GPHN: variants seen among roughly 807,000 people sequenced by gnomAD.
The protein encoded by GPHN is gephyrin.
Under a neutral mutation model 95.5 loss-of-function variants are expected in GPHN, and 17 were observed. That is an observed-to-expected ratio of 0.18 (90% CI 0.12 to 0.27). The LOEUF is 0.27. Among genes scored for constraint, GPHN ranks in the 10% least tolerant of loss-of-function variants. GPHN has a pLI of 1.00. For missense variants in GPHN, 660 were observed against 978.1 expected (o/e 0.67, Z 4.34); for synonymous variants, 320 against 322.5 (o/e 0.99, Z 0.08).
At chr14:67,382,344 G>A in the GPHN span, 1 of 1,072,532 alleles carries the variant, frequency 9.3e-7, no homozygotes, top group Non-Finnish European at 1.3e-6. Flanking sequence ...ATTACGTTTT[G>A]GGGTGATTTG....
At chr14:67,222,495 C>T in the GPHN span, among the ~76,000 whole-genome samples, 163 of 152,210 alleles carry the variant, frequency 1.1e-3, no homozygotes, top group African/African-American at 3.7e-3. Context: ...AGGATGGTCT[C>T]GAACTCCTGA....
the GPHN span, among the ~76,000 whole-genome samples, chr14:67,636,594 T>C: frequency 6.6e-6 from 1 of 152,254 alleles, no homozygotes; most frequent in Non-Finnish European, 1.5e-5. Context: ...TGTTTTGATT[T>C]CTTCCTTACA....
intron 8 of GPHN, among the ~76,000 whole-genome samples, chr14:66,952,267 A>G (rs1435464414): frequency 1.3e-5 from 2 of 152,340 alleles, no homozygotes; most frequent in Middle Eastern, 3.4e-3. Flanking sequence ...TGGACATAAC[A>G]TATAAATGCA....
chr14:67,532,735 C>T, the GPHN span, among the ~76,000 whole-genome samples: 3 of 152,286 alleles, frequency 2.0e-5, no homozygotes, highest in African/African-American at 2.4e-5. Flanking sequence ...TTTTCTTTTT[C>T]TCCTGCAAAT....
the GPHN span, among the ~76,000 whole-genome samples, chr14:67,552,083 A>G: frequency 6.6e-6 from 1 of 152,252 alleles, no homozygotes; most frequent in Non-Finnish European, 1.5e-5. Flanking sequence ...TAAATACCAG[A>G]TTGGTGCCAA....
chr14:66,900,439 T>C (rs2065069321), intron 5 of GPHN, among the ~76,000 whole-genome samples: 1 of 151,788 alleles, frequency 6.6e-6, no homozygotes, highest in South Asian at 2.1e-4. Context: ...TTTTTATTTT[T>C]TGAGATTTTT....
the GPHN span, among the ~76,000 whole-genome samples, chr14:67,594,251 A>T: frequency 6.6e-6 from 1 of 152,174 alleles, no homozygotes; most frequent in African/African-American, 2.4e-5. Context: ...AGGGAGGCTG[A>T]GGCAGGAGGA....
chr14:67,006,085 G>C (rs2072589886), intron 9 of GPHN, among the ~76,000 whole-genome samples: 1 of 151,940 alleles, frequency 6.6e-6, no homozygotes, highest in Non-Finnish European at 1.5e-5. Context: ...TTTGACATCA[G>C]TATTTAAATA....
intron 18 of GPHN, among the ~76,000 whole-genome samples, chr14:67,148,557 G>GTTTTTTTT (rs1297273978): frequency 8.0e-6 from 1 of 124,786 alleles, no homozygotes. Flanking sequence ...GACTTTATTT[G>GTTTTTTTT]CTTTTTTTTT....
chr14:66,593,982 T>A (rs1353219394), intron 1 of GPHN, among the ~76,000 whole-genome samples: 2 of 152,170 alleles, frequency 1.3e-5, no homozygotes. Context: ...AGTTGTAGAT[T>A]ACAAAATCAA....
At chr14:66,744,778 A>G (rs1236839217) in intron 2 of GPHN, among the ~76,000 whole-genome samples, 1 of 151,256 alleles carries the variant, frequency 6.6e-6, no homozygotes, top group East Asian at 1.9e-4. Flanking sequence ...GATTGATTCC[A>G]TCTGTAAAAG....
the GPHN span, among the ~76,000 whole-genome samples, chr14:67,399,856 G>T: frequency 3.3e-5 from 5 of 152,256 alleles, no homozygotes; most frequent in Admixed American, 3.3e-4. Flanking sequence ...ATGGGGAAAT[G>T]TCTGCTGAGG....
the GPHN span, among the ~76,000 whole-genome samples, chr14:67,626,801 A>G: frequency 6.6e-6 from 1 of 152,250 alleles, no homozygotes; most frequent in Non-Finnish European, 1.5e-5. Flanking sequence ...ATTATTCATA[A>G]TGGTCAACAT....
At chr14:66,752,290 C>G (rs1210845813) in intron 2 of GPHN, among the ~76,000 whole-genome samples, 2 of 152,074 alleles carry the variant, frequency 1.3e-5, no homozygotes, top group African/African-American at 2.4e-5. Flanking sequence ...CAAAAACTTT[C>G]CCTTTGTATG....
At position 67,165,157 on chromosome 14, in the gene GPHN, T is replaced by C. The variant is rs1595455743; in HGVS notation, c.1911-5T>C. On this transcript the variant is annotated splice_polypyrimidine_tract_variant and splice_region_variant and intron_variant, in intron 19 of 22. Transcript: ENST00000478722. ...CACTAACAAGTGACTCTTTTTTTCT[T>C]CTAGCTTGCCAACAACATTTGCAAC... 1.2e-6 allele frequency: 2 copies of C among 1,602,648 alleles called. No homozygotes were observed. The highest frequency in any genetic ancestry group is 1.7e-6 in the Non-Finnish European group (2 of 1,169,612).
the GPHN span, among the ~76,000 whole-genome samples, chr14:67,372,158 TTA>T: frequency 1.3e-5 from 2 of 152,204 alleles, no homozygotes; most frequent in Admixed American, 6.5e-5. Context: ...ATGTGTGCTT[TTA>T]TATGATCAGT....
At chr14:67,224,125 T>A in the GPHN span, 3 of 519,458 alleles carry the variant, frequency 5.8e-6, no homozygotes, top group African/African-American at 6.2e-5. Flanking sequence ...AAGTTAAATT[T>A]TTTTTCTCCT....
chr14:67,321,350 C>T, the GPHN span: 5 of 1,192,686 alleles, frequency 4.2e-6, no homozygotes, highest in African/African-American at 3.0e-5. Flanking sequence ...CCAAGAACAG[C>T]GCGACCTAAT....
the GPHN span, among the ~76,000 whole-genome samples, chr14:67,352,226 C>G: frequency 2.3e-4 from 35 of 152,020 alleles, no homozygotes; most frequent in Middle Eastern, 3.4e-3. Context: ...TCAGCACTTT[C>G]GGAGGCCAAG....
Sources: allele counts gnomAD v4.1 joint callset (sites outside exome capture counted in the v4.1 genomes callset), GRCh38; gene constraint gnomAD v4.1.1; transcripts MANE v1.5; gene names NCBI Gene and HGNC (gene_info 2026-07-23, HGNC 2026-07-21).